The following ACP3 variants were observed in gnomAD, a reference collection of about 807,000 sequenced individuals.
The protein encoded by ACP3 is prostatic acid phosphatase.
In ACP3, 38 loss-of-function variants were observed where a neutral mutation model predicts 45.6. The observed-to-expected ratio is 0.83, with a 90% CI of 0.64 to 1.09. The LOEUF is 1.09. Among genes scored for constraint, ACP3 ranks in the 50% least tolerant of loss-of-function variants. ACP3 has a pLI of 0.00. For missense variants in ACP3, 466 were observed against 463.2 expected, an observed-to-expected ratio of 1.01 and a Z score of -0.05; for synonymous variants, 162 against 164.7, an observed-to-expected ratio of 0.98 and a Z score of 0.13.
intron 2 of ACP3, 43 bp from the exon 3 acceptor site, chr3:132,331,604 G>T (rs1937399315): frequency 1.4e-6 from 2 of 1,466,756 alleles, no homozygotes; most frequent in Non-Finnish European, 1.9e-6. Context: ...GTGATTCATA[G>T]AACTTACTTT....
exon 11 of ACP3, chr3:132,368,076 AG>A: frequency 2.7e-6 from 1 of 372,294 alleles, no homozygotes; most frequent in East Asian, 5.2e-5. Context: ...TGTTATGCAT[AG>A]GATGGTTGTA....
At chr3:132,367,846 C>T in exon 11 of ACP3, 5 of 1,518,356 alleles carry the variant, frequency 3.3e-6, no homozygotes, top group South Asian at 1.1e-5. Flanking sequence ...TAAGCCAGGC[C>T]AACCTCCTGT....
rs553521994 is a variant in ACP3, at chr3:132,328,679, C to CAAA, written c.216+338_216+340dup. ...GGGCAACAAGAGTAAAACTCTATCT[C>CAAA]AAAAAAAAAAAAAAAAAAAAAAAGA... On this transcript the variant is annotated intron_variant, in intron 2 of 9. Coordinates refer to ENST00000336375, the MANE Select transcript of ACP3 (RefSeq NM_001099.5). Among the ~76,000 whole-genome samples the CAAA allele has an allele frequency of 9.8e-4, 69 of 70,146 alleles. 1 individual carries two copies. Among genetic ancestry groups the CAAA allele is most frequent in the South Asian group, 4.3e-3 (7 of 1,624 alleles). 46.0% of individuals were successfully genotyped at this position (70,146 alleles called of 152,430 possible).
At chr3:132,328,960 A>T (rs924799285) in intron 2 of ACP3, among the ~76,000 whole-genome samples, 6 of 152,222 alleles carry the variant, frequency 3.9e-5, no homozygotes, top group African/African-American at 1.4e-4. Context: ...AAGTGCTGAT[A>T]TCAGAATATG....
chr3:132,328,431 C>G, intron 2 of ACP3, 69 bp downstream of exon 2: 1 of 1,378,002 alleles, frequency 7.3e-7, no homozygotes, highest in Non-Finnish European at 1.0e-6. Context: ...GTAATCCCAG[C>G]ACTTTGGGAG....
chr3:132,334,545 A>T (rs1345834595), intron 4 of ACP3, among the ~76,000 whole-genome samples: 2 of 152,362 alleles, frequency 1.3e-5, no homozygotes, highest in Non-Finnish European at 1.5e-5. Flanking sequence ...AATGAGACTT[A>T]CGTGCAGTTA....
intron 7 of ACP3, among the ~76,000 whole-genome samples, chr3:132,346,862 A>G (rs1937615572): frequency 6.6e-6 from 1 of 152,226 alleles, no homozygotes; most frequent in African/African-American, 2.4e-5. Context: ...CTGGCTAGAA[A>G]CACAGGCCCC....
At position 132,342,652 on chromosome 3, in the gene ACP3, A is replaced by G; in HGVS notation, c.648+8A>G. 1 of 1,507,902 alleles carries G rather than the reference A, an allele frequency of 6.6e-7. No individual in the cohort carries two copies. The highest frequency in any genetic ancestry group is 9.0e-7 in the Non-Finnish European group (1 of 1,111,336). 93.4% of individuals were successfully genotyped at this position (1,507,902 alleles called of 1,614,324 possible). On this transcript the variant is annotated splice_region_variant and intron_variant, in intron 6 of 9. Coordinates refer to ENST00000336375, the MANE Select transcript of ACP3 (RefSeq NM_001099.5). The stretch of plus-strand genomic sequence containing the variant: ...GACCCTTTATATTGTGAGGTAAAAG[A>G]AAAAAAAATCACAGGTTAACTTGCA...
At chr3:132,368,044 G>C in exon 11 of ACP3, 1 of 461,280 alleles carries the variant, frequency 2.2e-6, no homozygotes, top group Non-Finnish European at 3.9e-6. Context: ...AGTGCAGGCT[G>C]CTTGTTCAGC....
chr3:132,357,371 CAG>C lies in ACP3; in HGVS notation c.*494_*495del, dbSNP rs1937932766. On this transcript the variant is annotated 3_prime_UTR_variant, in exon 10 of 10. Transcript: ENST00000336375. ...AAAAAACCAATTTACCCATCAGTTC[CAG>C]CCTTCTCTCAAGGAGAGGCAAAGAA... 1.0e-6 allele frequency: 1 copy of C among 985,330 alleles called. No homozygotes were observed. The highest frequency in any genetic ancestry group is 1.7e-5 in the African/African-American group (1 of 57,212). The allele number at this position is 985,330 out of a possible 1,614,324, so 61.0% of individuals were successfully genotyped here. A position where few individuals can be genotyped will look rare whatever the true frequency, so the allele number is the denominator to read the frequency against.
intron 1 of ACP3, among the ~76,000 whole-genome samples, chr3:132,324,829 G>C (rs1315932466): frequency 1.3e-5 from 2 of 152,070 alleles, no homozygotes; most frequent in African/African-American, 4.8e-5. Context: ...TTTTAGTAGA[G>C]ATGGGGTTTC....
chr3:132,334,712 G>C (rs1260046513), intron 4 of ACP3, among the ~76,000 whole-genome samples: 3 of 152,118 alleles, frequency 2.0e-5, no homozygotes, highest in Non-Finnish European at 1.5e-5. Context: ...TATTTAGAAA[G>C]AGAATGAAAA....
intron 2 of ACP3, among the ~76,000 whole-genome samples, chr3:132,329,201 A>G (rs1304663634): frequency 2.0e-5 from 3 of 152,210 alleles, no homozygotes; most frequent in Non-Finnish European, 4.4e-5. Flanking sequence ...GTTTAAATAT[A>G]TTAATTAAGA....
chr3:132,359,238 C>T (rs1214028062), downstream of ACP3, among the ~76,000 whole-genome samples: 3 of 152,154 alleles, frequency 2.0e-5, no homozygotes, highest in South Asian at 2.1e-4. Flanking sequence ...TGAGGCCAGG[C>T]GAGGTGGCTC....
chr3:132,327,904 C>G (rs1180613091), intron 1 of ACP3, among the ~76,000 whole-genome samples: 3 of 152,276 alleles, frequency 2.0e-5, no homozygotes, highest in Admixed American at 1.3e-4. Flanking sequence ...CCTTTCTGTC[C>G]TATCTTATGT....
At chr3:132,351,652 G>A (rs554507233) in intron 8 of ACP3, among the ~76,000 whole-genome samples, 44 of 152,128 alleles carry the variant, frequency 2.9e-4, no homozygotes, top group Non-Finnish European at 5.0e-4. Flanking sequence ...GCCAATTTTC[G>A]TAGTGTCTAA....
downstream of ACP3, among the ~76,000 whole-genome samples, chr3:132,359,225 G>A (rs1937986480): frequency 2.6e-5 from 4 of 152,194 alleles, no homozygotes; most frequent in Admixed American, 2.6e-4. Flanking sequence ...CGTAAAATCA[G>A]TTTGAGGCCA....
chr3:132,338,110 T>C (rs1175191164), intron 5 of ACP3, among the ~76,000 whole-genome samples: 1 of 152,154 alleles, frequency 6.6e-6, no homozygotes. Context: ...TTTCTAGTAG[T>C]CTTTTATGTG....
intron 9 of ACP3, among the ~76,000 whole-genome samples, chr3:132,355,577 G>A (rs1937869874): frequency 6.7e-6 from 1 of 150,090 alleles, no homozygotes; most frequent in Admixed American, 6.7e-5. Context: ...GAGTGTAGTG[G>A]CGTGATCTCG....
Sources: gnomAD v4.1 joint callset for allele counts (sites outside exome capture counted in the v4.1 genomes callset) on GRCh38, gnomAD v4.1.1 for gene constraint, MANE v1.5 for transcripts, NCBI Gene and HGNC (gene_info 2026-07-23, HGNC 2026-07-21) for gene names.